The following PCNT variants were observed in gnomAD, a reference collection of about 807,000 sequenced individuals.
The protein encoded by PCNT is kendrin.
A neutral mutation model predicts 380.4 loss-of-function variants in PCNT; 319 were observed. The observed-to-expected ratio is 0.84, with a 90% CI of 0.77 to 0.92. The LOEUF (loss-of-function observed/expected upper bound fraction) is 0.92. Ranked by LOEUF, PCNT falls within the 40% of genes least tolerant of loss-of-function variation. The probability of loss-of-function intolerance (pLI) is 0.00; values close to 1 mark genes in which losing one functional copy is unlikely to be tolerated. For missense variants in PCNT, 4,400 were observed against 4,255.3 expected, an observed-to-expected ratio of 1.03 and a Z score of -0.95; for synonymous variants, 1,845 against 1,735.2, an observed-to-expected ratio of 1.06 and a Z score of -1.57.
chr21:46,345,692 A>T (rs2084043043), intron 3 of PCNT, among the ~76,000 whole-genome samples: 1 of 152,216 alleles, frequency 6.6e-6, no homozygotes, highest in South Asian at 2.1e-4. Flanking sequence ...GGCTCCAGAC[A>T]TCATCATCAC....
At chr21:46,426,814 C>G (rs1204548391) in intron 33 of PCNT, among the ~76,000 whole-genome samples, 1 of 152,230 alleles carries the variant, frequency 6.6e-6, no homozygotes, top group South Asian at 2.1e-4. Context: ...CACGCTCCCT[C>G]CCATCTCCGT....
intron 20 of PCNT, 79 bp downstream of exon 20, chr21:46,390,911 T>A: frequency 6.7e-7 from 1 of 1,482,276 alleles, no homozygotes. Context: ...AAGGAAGCCT[T>A]CAGAATAGGG....
intron 2 of PCNT, 143 bp from the exon 3 acceptor site, chr21:46,334,254 G>C: frequency 9.3e-7 from 1 of 1,079,554 alleles, no homozygotes; most frequent in Non-Finnish European, 1.4e-6. Context: ...AATGCGGAAG[G>C]TGCACGTTCT....
Position 46,406,841 on chromosome 21 carries a change from T to C in PCNT, c.5116-4348T>C, listed in dbSNP as rs927342257. 9.8e-5 allele frequency among the ~76,000 whole-genome samples: 15 copies of C among 152,390 alleles called. No homozygotes were observed. The East Asian group carries it at 2.7e-3, about 27-fold the overall frequency. ...TTCTCTTTTATTCTACTAATAAGGTTAACTTTATTGAGTGATTTATTTCTT... is the reference window on the plus strand; with the variant it reads ...TTCTCTTTTATTCTACTAATAAGGTCAACTTTATTGAGTGATTTATTTCTT... On this transcript the variant is annotated intron_variant, in intron 27 of 46. Transcript: ENST00000359568.
chr21:46,445,036 G>T (rs2053717996), intron 46 of PCNT, among the ~76,000 whole-genome samples: 1 of 151,072 alleles, frequency 6.6e-6, no homozygotes, highest in African/African-American at 2.4e-5. Context: ...AGGTCAGTTT[G>T]ACTTAATCAC....
At chr21:46,329,407 T>G (rs1429234074) in intron 2 of PCNT, among the ~76,000 whole-genome samples, 1 of 152,242 alleles carries the variant, frequency 6.6e-6, no homozygotes, top group Non-Finnish European at 1.5e-5. Context: ...GGAATAGAGT[T>G]GTTGGTTTTT....
At chr21:46,329,827 T>C (rs117966061) in intron 2 of PCNT, among the ~76,000 whole-genome samples, 1 of 152,198 alleles carries the variant, frequency 6.6e-6, no homozygotes, top group Non-Finnish European at 1.5e-5. Flanking sequence ...GCTGGTAAAA[T>C]GTAAGGATAC....
At chr21:46,435,183 G>A (rs1320568164) in intron 38 of PCNT, among the ~76,000 whole-genome samples, 1 of 152,134 alleles carries the variant, frequency 6.6e-6, no homozygotes, top group Non-Finnish European at 1.5e-5. Context: ...TAACGCGGCT[G>A]TGTGTTTTGG....
chr21:46,367,028 A>G lies in PCNT; in HGVS notation c.3054A>G (p.Lys1018=). The G allele has an allele frequency of 6.2e-7, 1 of 1,614,154 alleles. No homozygotes were observed. Among genetic ancestry groups the G allele is most frequent in the Non-Finnish European group, 8.5e-7 (1 of 1,180,040 alleles). The stretch of plus-strand genomic sequence containing the variant: ...CGATTTTGACTCAAGAGTTGGAGAA[A>G]CTGAAGCGGAAACACGAAGGGGAGC... The part of the protein sequence containing the change: ...HQTILTQELE[K]LKRKHEGELQ... The change falls in exon 15 of 47, where the codon AAA becomes AAG. Residue 1018 remains lysine (K), a synonymous_variant. Transcript: ENST00000359568.
chr21:46,439,040 CT>C (rs2053539008), intron 41 of PCNT, among the ~76,000 whole-genome samples: 1 of 150,654 alleles, frequency 6.6e-6, no homozygotes, highest in Admixed American at 6.6e-5. Context: ...ATTTTTTTTT[CT>C]TTTGTATTTA....
Position 46,418,788 on chromosome 21 carries a change from G to A in PCNT, c.7024+482G>A, listed in dbSNP as rs2087130522. On this transcript the variant is annotated intron_variant, in intron 31 of 46. Transcript: ENST00000359568. The stretch of plus-strand genomic sequence containing the variant: ...CTCTGCTGTGGGTTTCGGGGCACCG[G>A]CCCTGGAGAGGAGCCGAGGGGCCGC... Among the ~76,000 whole-genome samples, 3 of 152,358 alleles carry A rather than the reference G, an allele frequency of 2.0e-5. No individual in the cohort carries two copies. The South Asian group carries it at 6.2e-4, about 32-fold the overall frequency.
chr21:46,330,029 G>A (rs556631605), intron 2 of PCNT, among the ~76,000 whole-genome samples: 27 of 152,316 alleles, frequency 1.8e-4, no homozygotes, highest in African/African-American at 4.1e-4. Flanking sequence ...TCAGGTACCA[G>A]TCAGCTTTTT....
intron 38 of PCNT, among the ~76,000 whole-genome samples, chr21:46,433,482 A>G (rs1314052329): frequency 1.3e-5 from 2 of 152,160 alleles, no homozygotes; most frequent in Admixed American, 6.5e-5. Flanking sequence ...CAGTGTGGCC[A>G]AGCATGGCAG....
chr21:46,387,802 T>C (rs889289700), intron 17 of PCNT, among the ~76,000 whole-genome samples: 1 of 152,260 alleles, frequency 6.6e-6, no homozygotes, highest in East Asian at 1.9e-4. Flanking sequence ...GAGGGCTGGC[T>C]GTGTAGTCAC....
intron 30 of PCNT, 61 bp from the exon 31 acceptor site, chr21:46,418,143 A>G (rs1206815285): frequency 1.9e-6 from 2 of 1,075,494 alleles, no homozygotes; most frequent in Non-Finnish European, 2.9e-6. Flanking sequence ...TTCACCTGGC[A>G]AAGTCAGCGC....
intron 42 of PCNT, 108 bp downstream of exon 42, chr21:46,440,310 T>C: frequency 8.6e-7 from 1 of 1,166,694 alleles, no homozygotes; most frequent in South Asian, 1.2e-5. Context: ...CTGCCGGGTG[T>C]AGCAGTCACA....
intron 3 of PCNT, among the ~76,000 whole-genome samples, chr21:46,340,269 A>G (rs2083875934): frequency 6.6e-6 from 1 of 152,178 alleles, no homozygotes; most frequent in South Asian, 2.1e-4. Context: ...GTTACCTCCC[A>G]CTGGGCCCCT....
chr21:46,328,068 T>A (rs2083445523), intron 2 of PCNT, among the ~76,000 whole-genome samples: 1 of 152,212 alleles, frequency 6.6e-6, no homozygotes, highest in South Asian at 2.1e-4. Flanking sequence ...CAGGCTTTGA[T>A]GTTTGCTAGG....
chr21:46,331,774 A>G, intron 2 of PCNT, among the ~76,000 whole-genome samples: 1 of 152,166 alleles, frequency 6.6e-6, no homozygotes, highest in Admixed American at 6.5e-5. Context: ...TCAAAAAAAA[A>G]AAAATCATAA....
Sources: gnomAD v4.1 joint callset for allele counts (sites outside exome capture counted in the v4.1 genomes callset) on GRCh38, gnomAD v4.1.1 for gene constraint, MANE v1.5 for transcripts, NCBI Gene and HGNC (gene_info 2026-07-23, HGNC 2026-07-21) for gene names.